SDK1: variants seen among roughly 807,000 people sequenced by gnomAD.
The protein encoded by SDK1 is sidekick cell adhesion molecule 1.
Under a neutral mutation model 245.5 loss-of-function variants are expected in SDK1, and 157 were observed. The ratio of observed to expected loss-of-function variants is 0.64; its 90% CI spans 0.56 to 0.73. The LOEUF is 0.73. SDK1 is among the 30% of genes least tolerant of loss of function. The probability of loss-of-function intolerance (pLI) is 0.00; values close to 1 mark genes in which losing one functional copy is unlikely to be tolerated. For missense variants in SDK1, 3,583 were observed against 3,002.3 expected, an observed-to-expected ratio of 1.19 and a Z score of -4.52; for synonymous variants, 1,647 against 1,278.5, an observed-to-expected ratio of 1.29 and a Z score of -6.15.
chr7:3,840,660 T>C (rs1401229662), intron 5 of SDK1, among the ~76,000 whole-genome samples: 4 of 152,240 alleles, frequency 2.6e-5, no homozygotes, highest in Non-Finnish European at 5.9e-5. Context: ...CAGGTGATGC[T>C]GATACTGCGG....
At chr7:3,864,203 A>G (rs1780766203) in intron 5 of SDK1, among the ~76,000 whole-genome samples, 1 of 152,248 alleles carries the variant, frequency 6.6e-6, no homozygotes, top group African/African-American at 2.4e-5. Context: ...GCTCACTTCT[A>G]ATATGTTTAC....
At chr7:3,512,880 G>C (rs1014501718) in intron 1 of SDK1, among the ~76,000 whole-genome samples, 1 of 151,992 alleles carries the variant, frequency 6.6e-6, no homozygotes, top group South Asian at 2.1e-4. Flanking sequence ...CATTGTAACA[G>C]GTATGTAATT....
intron 5 of SDK1, among the ~76,000 whole-genome samples, chr7:3,869,816 T>C (rs7776637): frequency 0.051 from 7,810 of 152,254 alleles, 635 homozygotes; most frequent in African/African-American, 0.17. Flanking sequence ...TACACTTAAA[T>C]TAAAAACCAA....
At chr7:3,972,531 T>C (rs1782568068) in intron 12 of SDK1, among the ~76,000 whole-genome samples, 1 of 152,208 alleles carries the variant, frequency 6.6e-6, no homozygotes, top group Admixed American at 6.5e-5. Flanking sequence ...ACCTTCAGGA[T>C]AATTTTAAAT....
chr7:3,924,316 C>T (rs1321002310), intron 5 of SDK1, among the ~76,000 whole-genome samples: 1 of 152,126 alleles, frequency 6.6e-6, no homozygotes, highest in Non-Finnish European at 1.5e-5. Context: ...TGTAGGCTCT[C>T]ATTTTCTAGC....
At chr7:3,605,366 T>G (rs1268842774) in intron 1 of SDK1, among the ~76,000 whole-genome samples, 1 of 152,200 alleles carries the variant, frequency 6.6e-6, no homozygotes, top group Non-Finnish European at 1.5e-5. Flanking sequence ...AGAAATAATG[T>G]TTCACTTAAG....
At chr7:3,710,287 C>T (rs956025446) in intron 4 of SDK1, among the ~76,000 whole-genome samples, 14 of 152,190 alleles carry the variant, frequency 9.2e-5, no homozygotes, top group African/African-American at 3.1e-4. Flanking sequence ...TTCCTCTGCA[C>T]CCTCCAGAAT....
intron 1 of SDK1, among the ~76,000 whole-genome samples, chr7:3,410,301 T>C (rs549250386): frequency 6.8e-4 from 102 of 150,984 alleles, no homozygotes; most frequent in Non-Finnish European, 1.2e-3. Context: ...TAAAAATATA[T>C]AAAGTTAGCT....
intron 4 of SDK1, among the ~76,000 whole-genome samples, chr7:3,732,997 T>G (rs1779222423): frequency 6.6e-6 from 1 of 152,184 alleles, no homozygotes; most frequent in South Asian, 2.1e-4. Context: ...TTGTGTTTTG[T>G]TTCCGTTTTT....
At chr7:3,952,618 T>G (rs1368698134) in intron 7 of SDK1, among the ~76,000 whole-genome samples, 2 of 152,050 alleles carry the variant, frequency 1.3e-5, no homozygotes, top group Non-Finnish European at 2.9e-5. Flanking sequence ...ATTATTCTAT[T>G]AATTATTAAT....
chr7:3,358,307 C>A (rs1266196773), intron 1 of SDK1, among the ~76,000 whole-genome samples: 1 of 152,180 alleles, frequency 6.6e-6, no homozygotes, highest in Non-Finnish European at 1.5e-5. Context: ...GAAGCATGGA[C>A]CACCATGCCC....
intron 1 of SDK1, among the ~76,000 whole-genome samples, chr7:3,585,996 A>T (rs182254460): frequency 6.6e-6 from 1 of 152,280 alleles, no homozygotes; most frequent in Non-Finnish European, 1.5e-5. Flanking sequence ...GGATATGCAA[A>T]TATGGGCTGC....
chr7:3,928,645 GA>G (rs948609037), intron 5 of SDK1, among the ~76,000 whole-genome samples: 21 of 152,148 alleles, frequency 1.4e-4, no homozygotes, highest in African/African-American at 5.1e-4. Flanking sequence ...GGGGTGGGTG[GA>G]ATGCCAATAA....
intron 14 of SDK1, among the ~76,000 whole-genome samples, chr7:4,009,240 A>C (rs1052048033): frequency 1.3e-5 from 2 of 152,192 alleles, no homozygotes; most frequent in African/African-American, 4.8e-5. Flanking sequence ...TCTTCTACAT[A>C]CCAGTTCTCT....
intron 7 of SDK1, among the ~76,000 whole-genome samples, chr7:3,955,045 G>A (rs371890889): frequency 1.4e-4 from 21 of 151,884 alleles, no homozygotes; most frequent in Admixed American, 4.6e-4. Flanking sequence ...TCTTCCCTCC[G>A]AGCCACGCCT....
Position 3,739,778 on chromosome 7 carries a change from T to C in SDK1, c.714-81672T>C, listed in dbSNP as rs560523898. Among the ~76,000 whole-genome samples the C allele has an allele frequency of 7.2e-5, 11 of 152,336 alleles. 1 individual carries two copies. In the South Asian group the frequency reaches 2.3e-3, roughly 32 times the overall value. On this transcript the variant is annotated intron_variant, in intron 4 of 44. Transcript: ENST00000404826. ...ATACCTTAGGGGCAGTTTCTATTGA[T>C]TGCTTTTTTTCCCCCGTGTATGCTC... is the stretch of plus-strand genomic sequence containing the variant.
intron 5 of SDK1, among the ~76,000 whole-genome samples, chr7:3,895,224 C>A (rs1781571884): frequency 6.6e-6 from 1 of 152,094 alleles, no homozygotes; most frequent in African/African-American, 2.4e-5. Context: ...TGTAATAAAT[C>A]ATTCTTATAT....
chr7:4,131,228 G>A (rs7791356), intron 27 of SDK1, among the ~76,000 whole-genome samples: 4 of 152,124 alleles, frequency 2.6e-5, no homozygotes, highest in East Asian at 1.9e-4. Context: ...TGAAGCAGGC[G>A]CTGGTGAGTC....
intron 1 of SDK1, among the ~76,000 whole-genome samples, chr7:3,425,620 C>T (rs1006916820): frequency 6.6e-6 from 1 of 152,122 alleles, no homozygotes; most frequent in African/African-American, 2.4e-5. Context: ...ATGAACAATA[C>T]AACTGTATTC....
Sources: gnomAD v4.1 joint callset for allele counts (sites outside exome capture counted in the v4.1 genomes callset) on GRCh38, gnomAD v4.1.1 for gene constraint, MANE v1.5 for transcripts, NCBI Gene and HGNC (gene_info 2026-07-23, HGNC 2026-07-21) for gene names.